The following LYPD6 variants were observed in gnomAD, a reference collection of about 807,000 sequenced individuals.
LYPD6 encodes the protein LY6/PLAUR domain containing 6.
A neutral mutation model predicts 22.7 loss-of-function variants in LYPD6; 15 were observed. That is an observed-to-expected ratio of 0.66 (90% CI 0.44 to 1.02). The LOEUF (loss-of-function observed/expected upper bound fraction) is 1.02. Among genes scored for constraint, LYPD6 ranks in the 50% least tolerant of loss-of-function variants. The pLI is 0.00. For missense variants in LYPD6, 189 were observed against 208.4 expected (o/e 0.91, Z 0.57); for synonymous variants, 72 against 77.5 (o/e 0.93, Z 0.37).
At chr2:149,486,352 A>T in the LYPD6 span, among the ~76,000 whole-genome samples, 3 of 152,150 alleles carry the variant, frequency 2.0e-5, no homozygotes, top group African/African-American at 2.4e-5. Flanking sequence ...TAAGGTAATG[A>T]TCTCTTCCTG....
intron 1 of LYPD6, among the ~76,000 whole-genome samples, chr2:149,345,683 A>G (rs1166738706): frequency 6.6e-6 from 1 of 152,026 alleles, no homozygotes; most frequent in Non-Finnish European, 1.5e-5. Flanking sequence ...CTCTGATGAA[A>G]CATTAATATT....
intron 1 of LYPD6, among the ~76,000 whole-genome samples, chr2:149,348,562 T>C (rs1184158135): frequency 2.0e-5 from 3 of 152,230 alleles, no homozygotes; most frequent in African/African-American, 7.2e-5. Context: ...CATGCCTGGC[T>C]TGCCCTCCAA....
At chr2:149,421,353 G>A (rs1368360316) in intron 1 of LYPD6, among the ~76,000 whole-genome samples, 1 of 136,996 alleles carries the variant, frequency 7.3e-6, no homozygotes, top group African/African-American at 2.8e-5. Flanking sequence ...TCATACCACT[G>A]CACTCCAGCC....
intron 3 of LYPD6, among the ~76,000 whole-genome samples, chr2:149,465,123 G>A (rs1421336496): frequency 6.6e-6 from 1 of 152,164 alleles, no homozygotes; most frequent in African/African-American, 2.4e-5. Context: ...ACAGAACATG[G>A]GAGAATATCG....
Position 149,471,095 on chromosome 2 carries a change from G to C in LYPD6, c.*245G>C, listed in dbSNP as rs1484863828. 1 of 365,202 alleles carries C rather than the reference G, an allele frequency of 2.7e-6. No homozygotes were observed. The highest frequency in any genetic ancestry group is 5.0e-6 in the Non-Finnish European group (1 of 201,156). The allele number at this position is 365,202 out of a possible 1,614,324, so 22.6% of individuals were successfully genotyped here. A position where few individuals can be genotyped will look rare whatever the true frequency, so the allele number is the denominator to read the frequency against. On this transcript the variant is annotated 3_prime_UTR_variant, in exon 5 of 5. Coordinates refer to ENST00000334166, the MANE Select transcript of LYPD6 (RefSeq NM_194317.5). ...CCCAAGTTCCATACCATAAACGTTTGTTTTCATTCCAAGAAGTAGTTCTGC... is the reference window on the plus strand; with the variant it reads ...CCCAAGTTCCATACCATAAACGTTTCTTTTCATTCCAAGAAGTAGTTCTGC...
chr2:149,335,537 T>A (rs1041458621), intron 1 of LYPD6, among the ~76,000 whole-genome samples: 22 of 152,150 alleles, frequency 1.4e-4, no homozygotes, highest in African/African-American at 5.1e-4. Flanking sequence ...TAAGGTTAAT[T>A]TATCATTGAA....
intron 1 of LYPD6, among the ~76,000 whole-genome samples, chr2:149,415,713 C>T (rs1374850399): frequency 6.6e-6 from 1 of 152,252 alleles, no homozygotes; most frequent in East Asian, 1.9e-4. Flanking sequence ...GTCCCCCAGG[C>T]TGGGGTGCAG....
intron 1 of LYPD6, among the ~76,000 whole-genome samples, chr2:149,435,746 C>G (rs920126118): frequency 6.6e-6 from 1 of 152,222 alleles, no homozygotes; most frequent in Non-Finnish European, 1.5e-5. Context: ...GGCCCATTCT[C>G]TTCCTGAATG....
intron 1 of LYPD6, among the ~76,000 whole-genome samples, chr2:149,417,686 A>G (rs1682994697): frequency 1.3e-5 from 2 of 152,190 alleles, no homozygotes; most frequent in Admixed American, 1.3e-4. Context: ...CACTAAAAGA[A>G]ACTTGACCTG....
At chr2:149,434,995 T>C (rs1683398188) in intron 1 of LYPD6, among the ~76,000 whole-genome samples, 2 of 152,208 alleles carry the variant, frequency 1.3e-5, no homozygotes, top group South Asian at 4.1e-4. Context: ...GCCTAACCCC[T>C]GGTATCTTGG....
intron 1 of LYPD6, among the ~76,000 whole-genome samples, chr2:149,403,258 G>A (rs952046401): frequency 6.6e-6 from 1 of 151,526 alleles, no homozygotes; most frequent in African/African-American, 2.4e-5. Flanking sequence ...TAATGGGATG[G>A]CTGGGTCAAA....
chr2:149,402,796 T>G (rs1018847624), intron 1 of LYPD6, among the ~76,000 whole-genome samples: 7 of 152,074 alleles, frequency 4.6e-5, no homozygotes, highest in Non-Finnish European at 1.0e-4. Flanking sequence ...TTGTTACATA[T>G]GTATACATGT....
chr2:149,341,377 C>G (rs999515893), intron 1 of LYPD6, among the ~76,000 whole-genome samples: 9 of 152,106 alleles, frequency 5.9e-5, no homozygotes, highest in Non-Finnish European at 8.8e-5. Flanking sequence ...AAATTTTGCT[C>G]TTTTACGTAT....
intron 1 of LYPD6, among the ~76,000 whole-genome samples, chr2:149,348,836 T>A (rs1681309058): frequency 6.6e-6 from 1 of 152,062 alleles, no homozygotes; most frequent in Non-Finnish European, 1.5e-5. Context: ...AATAAGAGGC[T>A]GTTGTAGCAG....
chr2:149,404,034 C>G (rs569411320), intron 1 of LYPD6, among the ~76,000 whole-genome samples: 1 of 152,054 alleles, frequency 6.6e-6, no homozygotes, highest in Non-Finnish European at 1.5e-5. Context: ...TCAAAGATCA[C>G]ATAGTTGTAG....
intron 4 of LYPD6, among the ~76,000 whole-genome samples, chr2:149,469,848 A>G (rs1681290460): frequency 6.6e-6 from 1 of 152,194 alleles, no homozygotes; most frequent in Admixed American, 6.5e-5. Flanking sequence ...CTACCTCCGC[A>G]ACATTATACT....
chr2:149,347,430 G>T, intron 1 of LYPD6, among the ~76,000 whole-genome samples: 1 of 152,130 alleles, frequency 6.6e-6, no homozygotes, highest in East Asian at 1.9e-4. Context: ...TCTCTCTGGC[G>T]TTCCCCCTAT....
chr2:149,416,756 G>C lies in LYPD6; in HGVS notation c.-71-20882G>C, dbSNP rs936875268. ...CTATTGGAGACAGCACCCCGTGGAG[G>C]ACTCTGATGCAGTGCGTATGCTGCA... On this transcript the variant is annotated intron_variant, in intron 1 of 4. Coordinates refer to ENST00000334166, the MANE Select transcript of LYPD6 (RefSeq NM_194317.5). Among the ~76,000 whole-genome samples the C allele has an allele frequency of 2.0e-5, 3 of 152,176 alleles. No individual in the cohort carries two copies. The South Asian group carries it at 6.2e-4, about 31-fold the overall frequency.
rs73964419 is a variant in LYPD6 at position 149,416,492 on chromosome 2, A to G, written c.-71-21146A>G. Among the ~76,000 whole-genome samples the G allele has an allele frequency of 4.9e-3, 749 of 152,302 alleles. 6 individuals are homozygous for G. Among genetic ancestry groups the G allele is most frequent in the African/African-American group, 0.017 (703 of 41,548 alleles). Reference sequence around the variant, plus strand: ...CTGCCTCTTCCTGCCAATTAGGGTCAGTTATCTCTGCCATTTGGTCCCTGG... The same window carrying G: ...CTGCCTCTTCCTGCCAATTAGGGTCGGTTATCTCTGCCATTTGGTCCCTGG... On this transcript the variant is annotated intron_variant, in intron 1 of 4. Transcript: ENST00000334166.
Sources: gnomAD v4.1 joint callset for allele counts (sites outside exome capture counted in the v4.1 genomes callset) on GRCh38, gnomAD v4.1.1 for gene constraint, MANE v1.5 for transcripts, NCBI Gene and HGNC (gene_info 2026-07-23, HGNC 2026-07-21) for gene names.